The following NCAM1 variants were observed in gnomAD, a reference collection of about 807,000 sequenced individuals.
NCAM1 encodes antigen recognized by monoclonal antibody 5.1H11.
A neutral mutation model predicts 109.8 loss-of-function variants in NCAM1; 14 were observed. The ratio of observed to expected loss-of-function variants is 0.13; its 90% CI spans 0.08 to 0.20. NCAM1 has a LOEUF of 0.20. Ranked by LOEUF, NCAM1 falls within the 10% of genes least tolerant of loss-of-function variation. The probability of loss-of-function intolerance (pLI) is 1.00; values close to 1 mark genes in which losing one functional copy is unlikely to be tolerated. For missense variants in NCAM1, 774 were observed against 1,109.9 expected (o/e 0.70, Z 4.30); for synonymous variants, 418 against 442.9 (o/e 0.94, Z 0.70).
At chr11:113,071,714 C>A (rs1938274703) in intron 1 of NCAM1, among the ~76,000 whole-genome samples, 1 of 152,204 alleles carries the variant, frequency 6.6e-6, no homozygotes, top group South Asian at 2.1e-4. Flanking sequence ...CGTGGGCCAC[C>A]ATGCCCCCAG....
intron 9 of NCAM1, among the ~76,000 whole-genome samples, chr11:113,222,945 A>G (rs1191016398): frequency 1.3e-5 from 2 of 152,196 alleles, no homozygotes. Flanking sequence ...GATGAAGACC[A>G]TAAGTCCAGA....
chr11:113,124,448 T>C (rs1181148781), intron 1 of NCAM1, among the ~76,000 whole-genome samples: 2 of 152,196 alleles, frequency 1.3e-5, no homozygotes, highest in Non-Finnish European at 2.9e-5. Flanking sequence ...CCACCTCTCT[T>C]TTCTGACACT....
intron 1 of NCAM1, among the ~76,000 whole-genome samples, chr11:113,097,243 T>C (rs981932041): frequency 6.6e-6 from 1 of 152,232 alleles, no homozygotes; most frequent in South Asian, 2.1e-4. Flanking sequence ...ATCTTTCTTA[T>C]GGCTTTTATC....
At chr11:112,991,592 A>G (rs1021655242) in intron 1 of NCAM1, among the ~76,000 whole-genome samples, 1 of 152,208 alleles carries the variant, frequency 6.6e-6, no homozygotes, top group African/African-American at 2.4e-5. Flanking sequence ...AGTGAAGTGA[A>G]GAAGAAAGAG....
chr11:112,986,022 G>T (rs1555069581), intron 1 of NCAM1, among the ~76,000 whole-genome samples: 1 of 151,752 alleles, frequency 6.6e-6, no homozygotes, highest in Non-Finnish European at 1.5e-5. Context: ...ACTTTTTAAG[G>T]TTAAGTATGG....
chr11:113,113,600 G>A (rs1940546386), intron 1 of NCAM1, among the ~76,000 whole-genome samples: 1 of 152,134 alleles, frequency 6.6e-6, no homozygotes, highest in Non-Finnish European at 1.5e-5. Context: ...TCTGTGGACT[G>A]GTGGGTTCCA....
rs1220218710 is a variant in NCAM1 at position 113,216,173 on chromosome 11, C to T, written c.1059+1662C>T. On this transcript the variant is annotated intron_variant, in intron 8 of 19. Coordinates refer to ENST00000316851, the MANE Select transcript of NCAM1 (RefSeq NM_181351.5). ...TTTTTTTTTTTTTTTTTTTTTGAGA[C>T]GGAGTCTCGCTGTCGCCCAGGCTGG... is the stretch of plus-strand genomic sequence containing the variant. 7.2e-5 allele frequency among the ~76,000 whole-genome samples: 8 copies of T among 110,696 alleles called. No individual in the cohort carries two copies. The Admixed American group carries it at 8.5e-4, about 12-fold the overall frequency. 72.6% of individuals were successfully genotyped at this position (110,696 alleles called of 152,430 possible). A position where few individuals can be genotyped will look rare whatever the true frequency, so the allele number is the denominator to read the frequency against.
At chr11:113,081,211 C>T (rs1555087114) in intron 1 of NCAM1, among the ~76,000 whole-genome samples, 1 of 152,158 alleles carries the variant, frequency 6.6e-6, no homozygotes, top group African/African-American at 2.4e-5. Context: ...GCTGCGCTTA[C>T]CTTTGTGCTA....
chr11:113,253,547 ACCC>A (rs1219670647), intron 15 of NCAM1, among the ~76,000 whole-genome samples: 1 of 151,792 alleles, frequency 6.6e-6, no homozygotes, highest in East Asian at 1.9e-4. Context: ...GAGGCAACAG[ACCC>A]CCCATGATGC....
rs182576063 is a variant in NCAM1 at position 113,193,066 on chromosome 11, G to A, written c.53-9313G>A. On this transcript the variant is annotated intron_variant, in intron 1 of 19. Coordinates refer to ENST00000316851, the MANE Select transcript of NCAM1 (RefSeq NM_181351.5). ...ACTGGGCTGATGTCCACTTGAAAAG[G>A]ATTTCACTCCTGGCCTGGAATCTGG... 1.2e-3 allele frequency among the ~76,000 whole-genome samples: 179 copies of A among 152,298 alleles called. 1 individual carries two copies. The highest frequency in any genetic ancestry group is 0.01 in the Middle Eastern group (3 of 294).
At chr11:113,092,654 A>C (rs1223076114) in intron 1 of NCAM1, among the ~76,000 whole-genome samples, 1 of 152,262 alleles carries the variant, frequency 6.6e-6, no homozygotes, top group Non-Finnish European at 1.5e-5. Context: ...AGGTGAAGGG[A>C]ATCTGATCAT....
At chr11:113,220,967 C>A (rs1555115176) in intron 8 of NCAM1, among the ~76,000 whole-genome samples, 1 of 152,094 alleles carries the variant, frequency 6.6e-6, no homozygotes, top group African/African-American at 2.4e-5. Context: ...AGTCATGTCA[C>A]CAAATACTAT....
intron 1 of NCAM1, among the ~76,000 whole-genome samples, chr11:113,058,059 C>T (rs1402887083): frequency 6.6e-6 from 1 of 151,830 alleles, no homozygotes; most frequent in South Asian, 2.1e-4. Flanking sequence ...CCGAGGTGGG[C>T]GTATTATGAG....
chr11:113,259,724 GAC>G (rs1945932539), intron 16 of NCAM1, among the ~76,000 whole-genome samples: 1 of 129,818 alleles, frequency 7.7e-6, no homozygotes, highest in Non-Finnish European at 1.6e-5. Context: ...TTTTTTTGGA[GAC>G]AGAGTCTTGC....
At chr11:113,099,186 C>T (rs1591323391) in intron 1 of NCAM1, among the ~76,000 whole-genome samples, 1 of 152,234 alleles carries the variant, frequency 6.6e-6, no homozygotes, top group East Asian at 1.9e-4. Flanking sequence ...TAGAGGCAAA[C>T]CTAAGTAGTT....
intron 1 of NCAM1, among the ~76,000 whole-genome samples, chr11:113,105,357 C>T (rs1224194566): frequency 6.6e-6 from 1 of 152,170 alleles, no homozygotes; most frequent in Non-Finnish European, 1.5e-5. Context: ...TAAGACCTTT[C>T]CTTTCATTGG....
chr11:113,032,478 G>A (rs1461382115), intron 1 of NCAM1, among the ~76,000 whole-genome samples: 3 of 152,178 alleles, frequency 2.0e-5, no homozygotes, highest in African/African-American at 7.2e-5. Context: ...AGGAAAGAGG[G>A]AGTGGCAAGG....
rs782167976 is a variant in NCAM1, at chr11:113,205,544, C to T, written c.368C>T (p.Ala123Val). Residue 123 changes from alanine (A) to valine (V), a missense_variant, in exon 4 of 20, where the codon GCG (alanine) becomes GTG (valine). Transcript: ENST00000316851. The stretch of plus-strand genomic sequence containing the variant: ...CCAGAGAAGCTCATGTTCAAGAATG[C>T]GCCAACCCCACAGGAGTTCCGGGAG... ...KIFQKLMFKN[A>V]PTPQEFREGE... is the part of the protein sequence containing the mutation. 5 of 1,612,534 alleles carry T rather than the reference C, an allele frequency of 3.1e-6. No individual in the cohort carries two copies. Among genetic ancestry groups the T allele is most frequent in the Admixed American group, 1.7e-5 (1 of 59,762 alleles).
chr11:113,159,779 G>C (rs1418062126), intron 1 of NCAM1, among the ~76,000 whole-genome samples: 2 of 151,238 alleles, frequency 1.3e-5, no homozygotes, highest in African/African-American at 4.9e-5. Flanking sequence ...ATATGTATAC[G>C]TGTGCCATGT....
Sources: gnomAD v4.1 joint callset for allele counts (sites outside exome capture counted in the v4.1 genomes callset) on GRCh38, gnomAD v4.1.1 for gene constraint, MANE v1.5 for transcripts, NCBI Gene and HGNC (gene_info 2026-07-23, HGNC 2026-07-21) for gene names.